The following ERCC6L2 variants were observed in gnomAD, a reference collection of about 807,000 sequenced individuals.
ERCC6L2 encodes DNA excision repair protein ERCC-6-like 2.
A neutral mutation model predicts 132.0 loss-of-function variants in ERCC6L2; 77 were observed. The ratio of observed to expected loss-of-function variants is 0.58; its 90% CI spans 0.49 to 0.71. The LOEUF (loss-of-function observed/expected upper bound fraction) is 0.71, where lower values mean the gene tolerates loss of function less well. Among genes scored for constraint, ERCC6L2 ranks in the 30% least tolerant of loss-of-function variants. The pLI is 0.00. For synonymous variants in ERCC6L2, 583 were observed against 632.4 expected, an observed-to-expected ratio of 0.92 and a Z score of 1.17; for missense variants, 1,542 against 1,837.6, an observed-to-expected ratio of 0.84 and a Z score of 2.94.
intron 6 of ERCC6L2, among the ~76,000 whole-genome samples, chr9:95,919,390 C>T (rs1444044509): frequency 1.3e-5 from 2 of 152,040 alleles, no homozygotes; most frequent in African/African-American, 4.8e-5. Flanking sequence ...TCAGGAAGTG[C>T]CTTGCCAGTA....
chr9:95,980,747 C>T (rs867053370), intron 17 of ERCC6L2, among the ~76,000 whole-genome samples: 88 of 151,912 alleles, frequency 5.8e-4, no homozygotes, highest in East Asian at 1.9e-4. Flanking sequence ...TAAAAAGTTA[C>T]GAGAAGAAAA....
chr9:96,037,599 A>G (rs978740343), intron 19 of ERCC6L2, among the ~76,000 whole-genome samples: 2 of 152,212 alleles, frequency 1.3e-5, no homozygotes, highest in Non-Finnish European at 2.9e-5. Flanking sequence ...CGGGGAGGGC[A>G]TGGAGCCAGG....
At chr9:96,011,179 C>A (rs953663803) in intron 18 of ERCC6L2, among the ~76,000 whole-genome samples, 2 of 152,182 alleles carry the variant, frequency 1.3e-5, no homozygotes, top group Admixed American at 1.3e-4. Context: ...GGATGGCCAA[C>A]AACAAGAAGT....
intron 11 of ERCC6L2, among the ~76,000 whole-genome samples, chr9:95,937,979 T>C (rs1396258913): frequency 3.3e-5 from 5 of 151,986 alleles, no homozygotes; most frequent in African/African-American, 1.2e-4. Context: ...AGCTGCATCC[T>C]ACATATTTTG....
At chr9:95,877,803 TAAAAAA>T (rs901782042) in intron 1 of ERCC6L2, among the ~76,000 whole-genome samples, 1 of 135,116 alleles carries the variant, frequency 7.4e-6, no homozygotes, top group African/African-American at 2.8e-5. Flanking sequence ...CACTCTTGTC[TAAAAAA>T]AAAAAGAAAA....
chr9:96,003,754 T>C (rs1833769311), intron 17 of ERCC6L2, among the ~76,000 whole-genome samples: 1 of 152,220 alleles, frequency 6.6e-6, no homozygotes, highest in Non-Finnish European at 1.5e-5. Flanking sequence ...CACCTAGACA[T>C]TCTGCTTTCT....
intron 19 of ERCC6L2, among the ~76,000 whole-genome samples, chr9:96,035,420 G>A (rs987588023): frequency 1.4e-4 from 22 of 152,200 alleles, no homozygotes; most frequent in African/African-American, 4.8e-4. Flanking sequence ...CTCAGCCAGG[G>A]TAGAGGATGG....
At chr9:96,001,238 C>T (rs1295363271) in intron 17 of ERCC6L2, among the ~76,000 whole-genome samples, 1 of 152,176 alleles carries the variant, frequency 6.6e-6, no homozygotes, top group African/African-American at 2.4e-5. Flanking sequence ...ACAAATCTTC[C>T]ACAGTGTGGA....
chr9:95,889,440 A>C (rs1349164566), intron 2 of ERCC6L2, among the ~76,000 whole-genome samples: 3 of 152,042 alleles, frequency 2.0e-5, no homozygotes, highest in Non-Finnish European at 4.4e-5. Flanking sequence ...AGTTGCCTAA[A>C]ATTAAAAAGA....
chr9:96,011,345 G>T (rs1411152532), intron 18 of ERCC6L2, among the ~76,000 whole-genome samples: 1 of 152,180 alleles, frequency 6.6e-6, no homozygotes, highest in African/African-American at 2.4e-5. Flanking sequence ...TGTTGGATCA[G>T]GGTCCCACCC....
chr9:95,916,100 TTC>T, intron 5 of ERCC6L2, 125 bp from the exon 6 acceptor site: 1 of 917,354 alleles, frequency 1.1e-6, no homozygotes, highest in South Asian at 1.7e-5. Flanking sequence ...AGAAAGAACA[TTC>T]TGTTTTCTTG....
In ERCC6L2 at chr9:95,897,986, CA is replaced by C. The variant is rs1269741144; in HGVS notation, c.594+17del. ...CAGCAAAAAAGGTAAAATCTCTAGA[CA>C]ATGTATATTCTACTCATGATGCTGG... is the stretch of plus-strand genomic sequence containing the variant. On this transcript the variant is annotated intron_variant, in intron 3 of 18. Transcript: ENST00000653738. The C allele has an allele frequency of 6.3e-7, 1 of 1,596,492 alleles. No individual in the cohort carries two copies. Among genetic ancestry groups the C allele is most frequent in the Non-Finnish European group, 8.5e-7 (1 of 1,172,450 alleles).
chr9:95,890,004 C>G (rs990230090), intron 2 of ERCC6L2, among the ~76,000 whole-genome samples: 1 of 152,114 alleles, frequency 6.6e-6, no homozygotes, highest in East Asian at 1.9e-4. Flanking sequence ...TCACTGGATT[C>G]TTTAGTAACT....
intron 19 of ERCC6L2, among the ~76,000 whole-genome samples, chr9:96,025,042 G>T (rs1834342869): frequency 1.3e-5 from 2 of 152,210 alleles, no homozygotes; most frequent in Middle Eastern, 3.4e-3. Flanking sequence ...CAGTGTCCTA[G>T]TTCCTGAACC....
chr9:95,990,973 T>G (rs928775230), intron 17 of ERCC6L2, among the ~76,000 whole-genome samples: 8 of 152,082 alleles, frequency 5.3e-5, no homozygotes, highest in Admixed American at 2.0e-4. Context: ...AGGTGATCTT[T>G]CCCTGAAGCC....
intron 17 of ERCC6L2, among the ~76,000 whole-genome samples, chr9:96,001,962 G>A (rs1833698665): frequency 6.6e-6 from 1 of 152,258 alleles, no homozygotes; most frequent in Non-Finnish European, 1.5e-5. Flanking sequence ...ACTGGCCCGG[G>A]TGCTAAGTCC....
intron 12 of ERCC6L2, among the ~76,000 whole-genome samples, chr9:95,946,262 C>T (rs928529961): frequency 6.6e-6 from 1 of 152,208 alleles, no homozygotes; most frequent in Non-Finnish European, 1.5e-5. Flanking sequence ...GGTGCAGTGG[C>T]TCACACCTGT....
downstream of ERCC6L2, among the ~76,000 whole-genome samples, chr9:96,019,566 T>C (rs866196814): frequency 6.6e-6 from 1 of 152,176 alleles, no homozygotes; most frequent in Non-Finnish European, 1.5e-5. Context: ...GGAGCCTCAA[T>C]GACCTGCCCA....
chr9:95,950,379 TA>T (rs1248171174), intron 12 of ERCC6L2, among the ~76,000 whole-genome samples: 2 of 152,064 alleles, frequency 1.3e-5, no homozygotes, highest in African/African-American at 4.8e-5. Context: ...AATATGTCAC[TA>T]AAAAACATCA....
Sources: gnomAD v4.1 joint callset for allele counts (sites outside exome capture counted in the v4.1 genomes callset) on GRCh38, gnomAD v4.1.1 for gene constraint, MANE v1.5 for transcripts, NCBI Gene and HGNC (gene_info 2026-07-23, HGNC 2026-07-21) for gene names.